Variants in GRM8 observed in about 807,000 individuals in gnomAD.
GRM8 encodes glutamate metabotropic receptor 8.
A neutral mutation model predicts 87.2 loss-of-function variants in GRM8; 47 were observed. The observed-to-expected ratio is 0.54, with a 90% CI of 0.43 to 0.69. GRM8 has a LOEUF of 0.69. Ranked by LOEUF, GRM8 falls within the 30% of genes least tolerant of loss-of-function variation. The pLI, the probability that GRM8 is intolerant of heterozygous loss-of-function variation, is 0.00. For missense variants in GRM8, 1,019 were observed against 1,139.2 expected (o/e 0.89, Z 1.52); for synonymous variants, 396 against 404.5 (o/e 0.98, Z 0.25).
chr7:127,027,461 C>A (rs1409681586), intron 3 of GRM8, among the ~76,000 whole-genome samples: 1 of 152,192 alleles, frequency 6.6e-6, no homozygotes. Context: ...TTCTTCCTAT[C>A]CATGAGCATG....
intron 7 of GRM8, among the ~76,000 whole-genome samples, chr7:126,656,988 C>T (rs1205944774): frequency 6.6e-6 from 1 of 152,204 alleles, no homozygotes; most frequent in East Asian, 1.9e-4. Context: ...GTAGACAGCA[C>T]AATGGCTGTG....
intron 6 of GRM8, among the ~76,000 whole-genome samples, chr7:126,814,477 A>C (rs1220524473): frequency 6.6e-6 from 1 of 152,092 alleles, no homozygotes; most frequent in Non-Finnish European, 1.5e-5. Flanking sequence ...GAAAAACTTA[A>C]ACAGAATTCT....
chr7:127,036,687 T>C (rs986351211), intron 3 of GRM8, among the ~76,000 whole-genome samples: 3 of 152,168 alleles, frequency 2.0e-5, no homozygotes, highest in African/African-American at 7.2e-5. Flanking sequence ...CATGGGTCCA[T>C]GGCTAGGAGA....
intron 3 of GRM8, among the ~76,000 whole-genome samples, chr7:127,065,770 A>T (rs1468013205): frequency 6.6e-6 from 1 of 152,208 alleles, no homozygotes; most frequent in Non-Finnish European, 1.5e-5. Context: ...GAAGTCTGGG[A>T]CAGAGATGGT....
At chr7:126,562,326 T>C (rs2150962255) in intron 8 of GRM8, among the ~76,000 whole-genome samples, 1 of 152,298 alleles carries the variant, frequency 6.6e-6, no homozygotes, top group African/African-American at 2.4e-5. Flanking sequence ...TTTTCTGTGA[T>C]AATAGGAATG....
rs1802394151 is a variant in GRM8, at chr7:126,449,573, C to T, written c.2431-3201G>A. Reference sequence around the variant, plus strand: ...TTAGAGAAGAGCTGATAGCCAGGCTCTGACTATACGATGTTGAGGAAAAGG... The same window carrying T: ...TTAGAGAAGAGCTGATAGCCAGGCTTTGACTATACGATGTTGAGGAAAAGG... On this transcript the variant is annotated intron_variant, in intron 9 of 10. Coordinates refer to ENST00000339582, the MANE Select transcript of GRM8 (RefSeq NM_000845.3). Among the ~76,000 whole-genome samples, 4 of 151,830 alleles carry T rather than the reference C, an allele frequency of 2.6e-5. No homozygotes were observed. The South Asian group carries it at 8.3e-4, about 31-fold the overall frequency.
At chr7:126,752,180 C>T (rs1180887568) in intron 7 of GRM8, among the ~76,000 whole-genome samples, 1 of 152,038 alleles carries the variant, frequency 6.6e-6, no homozygotes. Flanking sequence ...CCTGTATTCT[C>T]AGTTACTCAG....
chr7:127,127,484 T>C (rs1827435556), intron 2 of GRM8, among the ~76,000 whole-genome samples: 1 of 152,022 alleles, frequency 6.6e-6, no homozygotes, highest in Admixed American at 6.6e-5. Flanking sequence ...AACACAGTAA[T>C]ATGAATGAAT....
rs182317184 is a variant in GRM8 at position 126,481,685 on chromosome 7, C to G, written c.2431-35313G>C. Among the ~76,000 whole-genome samples, 44 of 151,916 alleles carry G rather than the reference C, an allele frequency of 2.9e-4. No individual in the cohort carries two copies. The East Asian group carries it at 8.4e-3, about 29-fold the overall frequency. On this transcript the variant is annotated intron_variant, in intron 9 of 10. Coordinates refer to ENST00000339582, the MANE Select transcript of GRM8 (RefSeq NM_000845.3). Reference sequence around the variant, plus strand: ...AGGAACTGTCACAGATTGAAAAAAACCAAGGAAGCATGACAACTTAAGATA... The same window carrying G: ...AGGAACTGTCACAGATTGAAAAAAAGCAAGGAAGCATGACAACTTAAGATA...
At chr7:126,744,944 G>A (rs552545214) in intron 7 of GRM8, among the ~76,000 whole-genome samples, 1 of 148,578 alleles carries the variant, frequency 6.7e-6, no homozygotes, top group East Asian at 1.9e-4. Flanking sequence ...ATTAAAATAT[G>A]TTATTTATTA....
intron 7 of GRM8, among the ~76,000 whole-genome samples, chr7:126,759,224 G>A (rs1191359218): frequency 6.6e-6 from 1 of 151,928 alleles, no homozygotes; most frequent in Middle Eastern, 3.2e-3. Context: ...AACTAATTTT[G>A]TGTTTAAACC....
In GRM8 at chr7:126,533,270, G is replaced by A. The variant is rs765177458; in HGVS notation, c.2112C>T (p.Ser704=). ...AGACAAACACTCCAAGGAGCTGGACGGAGATGAGGCTGAAGGTGATCACCA... is the reference window on the plus strand; with the variant it reads ...AGACAAACACTCCAAGGAGCTGGACAGAGATGAGGCTGAAGGTGATCACCA... The part of the protein sequence containing the change: ...SQLVITFSLI[S]VQLLGVFVWF... Residue 704 remains serine (S), a synonymous_variant, in exon 9 of 11, where the codon TCC becomes TCT. Transcript: ENST00000339582. The A allele has an allele frequency of 1.1e-5, 17 of 1,613,648 alleles. No individual in the cohort carries two copies. The highest frequency in any genetic ancestry group is 8.9e-5 in the East Asian group (4 of 44,812).
At chr7:127,228,150 C>T (rs1563594498) in intron 2 of GRM8, among the ~76,000 whole-genome samples, 1 of 152,190 alleles carries the variant, frequency 6.6e-6, no homozygotes, top group Non-Finnish European at 1.5e-5. Flanking sequence ...TGGTTGAAAG[C>T]ATGGACTTTT....
chr7:126,580,221 C>T (rs1009948900), intron 8 of GRM8, among the ~76,000 whole-genome samples: 3 of 152,132 alleles, frequency 2.0e-5, no homozygotes, highest in East Asian at 1.9e-4. Context: ...TAATAGTTAT[C>T]GGATAAAAGC....
intron 8 of GRM8, among the ~76,000 whole-genome samples, chr7:126,581,211 T>TCATTAGAAATTC (rs1795578391): frequency 6.6e-6 from 1 of 152,044 alleles, no homozygotes; most frequent in Admixed American, 6.6e-5. Context: ...TCTCCTAATG[T>TCATTAGAAATTC]TCAGAGTCAT....
intron 2 of GRM8, among the ~76,000 whole-genome samples, chr7:127,222,979 A>ACACC (rs1797029923): frequency 6.6e-6 from 1 of 152,142 alleles, no homozygotes. Context: ...TCTCAAAAGT[A>ACACC]CACCCTGTTC....
At chr7:126,969,909 A>G (rs1332876175) in intron 3 of GRM8, among the ~76,000 whole-genome samples, 1 of 152,190 alleles carries the variant, frequency 6.6e-6, no homozygotes, top group Non-Finnish European at 1.5e-5. Flanking sequence ...GTTAGTTGTC[A>G]TAAAAACATT....
intron 7 of GRM8, among the ~76,000 whole-genome samples, chr7:126,676,034 G>T (rs1806920860): frequency 6.6e-6 from 1 of 152,140 alleles, no homozygotes; most frequent in South Asian, 2.1e-4. Context: ...TAAATTCACT[G>T]AAGTCTCAGG....
chr7:126,907,503 A>C (rs1340033602), intron 3 of GRM8, among the ~76,000 whole-genome samples: 1 of 152,108 alleles, frequency 6.6e-6, no homozygotes, highest in Admixed American at 6.6e-5. Flanking sequence ...GATCAAAAGG[A>C]TGAGAGCATG....
Sources: gnomAD v4.1 joint callset for allele counts (sites outside exome capture counted in the v4.1 genomes callset) on GRCh38, gnomAD v4.1.1 for gene constraint, MANE v1.5 for transcripts, NCBI Gene and HGNC (gene_info 2026-07-23, HGNC 2026-07-21) for gene names.